Variants in FMN1 observed in about 807,000 individuals in gnomAD.
FMN1 encodes the protein formin 1, also known as formin-1.
In FMN1, 110 loss-of-function variants were observed where a neutral mutation model predicts 132.4. The ratio of observed to expected loss-of-function variants is 0.83; its 90% CI spans 0.71 to 0.97. FMN1 has a LOEUF of 0.97. FMN1 is among the 50% of genes least tolerant of loss of function. The pLI, the probability that FMN1 is intolerant of heterozygous loss-of-function variation, is 0.00. For missense variants in FMN1, 1,792 were observed against 1,705.3 expected, an observed-to-expected ratio of 1.05 and a Z score of -0.90; for synonymous variants, 722 against 651.7, an observed-to-expected ratio of 1.11 and a Z score of -1.64.
chr15:33,016,539 A>G (rs1256021989), intron 6 of FMN1, among the ~76,000 whole-genome samples: 1 of 152,178 alleles, frequency 6.6e-6, no homozygotes, highest in African/African-American at 2.4e-5. Flanking sequence ...GTGGAGGTAG[A>G]TTCAAAGGCA....
At chr15:32,997,894 A>G (rs568200085) in intron 7 of FMN1, among the ~76,000 whole-genome samples, 1 of 152,196 alleles carries the variant, frequency 6.6e-6, no homozygotes, top group Non-Finnish European at 1.5e-5. Context: ...AAAAGACACA[A>G]ATGTAAATGT....
At chr15:33,169,679 A>G (rs2140317125) in intron 3 of FMN1, among the ~76,000 whole-genome samples, 1 of 151,730 alleles carries the variant, frequency 6.6e-6, no homozygotes, top group African/African-American at 2.4e-5. Context: ...TAGGTCTGTA[A>G]TGAGAAGGCG....
rs112570145 is a variant in FMN1 at position 33,102,659 on chromosome 15, G to A, written c.1868-13685C>T. The stretch of plus-strand genomic sequence containing the variant: ...AGGAAAAGCCCATGGAGTTTGCCTC[G>A]TGGGTTATATATGACTCATGAGCAA... On this transcript the variant is annotated intron_variant, in intron 4 of 20. Transcript: ENST00000616417. 5.5e-3 allele frequency among the ~76,000 whole-genome samples: 843 copies of A among 152,130 alleles called. 6 individuals are homozygous for A. The highest frequency in any genetic ancestry group is 0.019 in the African/African-American group (790 of 41,502).
chr15:33,095,695 A>G (rs2039057969), intron 4 of FMN1, among the ~76,000 whole-genome samples: 1 of 152,196 alleles, frequency 6.6e-6, no homozygotes, highest in African/African-American at 2.4e-5. Flanking sequence ...TTGAAGAATA[A>G]GAATGCAAAA....
At chr15:32,790,400 C>A (rs909713474) in intron 19 of FMN1, among the ~76,000 whole-genome samples, 2 of 152,172 alleles carry the variant, frequency 1.3e-5, no homozygotes, top group Non-Finnish European at 2.9e-5. Flanking sequence ...CAAAGCCTAC[C>A]TGGTACATGT....
chr15:33,165,580 A>G (rs1965072980), intron 3 of FMN1, among the ~76,000 whole-genome samples: 1 of 152,014 alleles, frequency 6.6e-6, no homozygotes, highest in Non-Finnish European at 1.5e-5. Flanking sequence ...TTTAGTAGAG[A>G]CGGGGTTTCA....
chr15:33,065,751 C>G (rs748364198), intron 5 of FMN1, among the ~76,000 whole-genome samples: 11 of 152,108 alleles, frequency 7.2e-5, no homozygotes, highest in Non-Finnish European at 1.3e-4. Context: ...TGATATTAAG[C>G]AAGAAATTCT....
chr15:32,982,914 AT>A (rs932440628), intron 7 of FMN1, among the ~76,000 whole-genome samples: 14 of 152,146 alleles, frequency 9.2e-5, no homozygotes, highest in African/African-American at 3.1e-4. Context: ...TACCCTGCAG[AT>A]TTTGGAACTT....
Position 32,772,435 on chromosome 15 carries a change from A to T in FMN1, c.*1875T>A, listed in dbSNP as rs28403314. 6.6e-6 allele frequency: 1 copy of T among 151,936 alleles called. No individual in the cohort carries two copies. Among genetic ancestry groups the T allele is most frequent in the Non-Finnish European group, 1.5e-5 (1 of 67,974 alleles). The allele number at this position is 151,936 out of a possible 1,614,324, so 9.4% of individuals were successfully genotyped here. On this transcript the variant is annotated 3_prime_UTR_variant, in exon 21 of 21. Transcript: ENST00000616417. Reference sequence around the variant, plus strand: ...CATGATAACACTAGAAGGAGCATACAATGGTTATAAGTGGAATCAGTTTTT... The same window carrying T: ...CATGATAACACTAGAAGGAGCATACTATGGTTATAAGTGGAATCAGTTTTT...
Position 33,119,380 on chromosome 15 carries a change from A to G in FMN1, c.1868-30406T>C, listed in dbSNP as rs185626252. 1.2e-3 allele frequency among the ~76,000 whole-genome samples: 178 copies of G among 152,332 alleles called. 1 individual carries two copies. Among genetic ancestry groups the G allele is most frequent in the African/African-American group, 4.1e-3 (169 of 41,582 alleles). On this transcript the variant is annotated intron_variant, in intron 4 of 20. Transcript: ENST00000616417. ...AAAGGGTGGGGAGCCTGTGGTAAAC[A>G]TGATAGATTCTCAGGACAGCCTGGG...
At chr15:32,785,517 C>T (rs1447670380) in intron 19 of FMN1, among the ~76,000 whole-genome samples, 4 of 151,876 alleles carry the variant, frequency 2.6e-5, no homozygotes, top group East Asian at 3.9e-4. Context: ...TGAAAATTAG[C>T]GTTATCTTTT....
At chr15:32,830,828 C>G (rs1171035606) in intron 17 of FMN1, among the ~76,000 whole-genome samples, 1 of 152,108 alleles carries the variant, frequency 6.6e-6, no homozygotes, top group African/African-American at 2.4e-5. Flanking sequence ...GGGGTAGGAG[C>G]AGCGAGGGCC....
At chr15:33,193,817 T>G (rs1966166720) in intron 2 of FMN1, 92 bp downstream of exon 2, 1 of 152,026 alleles carries the variant, frequency 6.6e-6, no homozygotes, top group African/African-American at 2.4e-5. Flanking sequence ...GTTCTTGAGT[T>G]AAATGAGGGC....
rs147447019 is a variant in FMN1 at position 33,033,173 on chromosome 15, G to A, written c.2162-25098C>T. ...AGCCTCCCGAGTAGCTGGGACTACA[G>A]GTGCCCGCCACCACACGCGGCTAAT... On this transcript the variant is annotated intron_variant, in intron 6 of 20. Transcript: ENST00000616417. Among the ~76,000 whole-genome samples, 638 of 152,216 alleles carry A rather than the reference G, an allele frequency of 4.2e-3. 39 individuals carry two copies. In the East Asian group the frequency reaches 0.11, roughly 26 times the overall value.
In FMN1 at chr15:32,880,519, C is replaced by T. The variant is rs138507693; in HGVS notation, c.3835+7653G>A. Among the ~76,000 whole-genome samples the T allele has an allele frequency of 5.3e-3, 800 of 152,260 alleles. 3 individuals carry two copies. Among genetic ancestry groups the T allele is most frequent in the Admixed American group, 0.011 (165 of 15,290 alleles). The stretch of plus-strand genomic sequence containing the variant: ...GGGCTTTTTCTCTGTGCTGGAGGCT[C>T]CATTCACCTTCCTTCTCCACTGAAT... On this transcript the variant is annotated intron_variant, in intron 16 of 20. Transcript: ENST00000616417.
intron 17 of FMN1, chr15:32,811,175 A>G (rs1041246675): frequency 1.0e-4 from 44 of 431,702 alleles, no homozygotes; most frequent in Non-Finnish European, 1.9e-4. Context: ...CAGAGTTCTT[A>G]CCCTTACATT....
intron 4 of FMN1, among the ~76,000 whole-genome samples, chr15:33,142,624 A>G (rs142821806): frequency 2.0e-5 from 3 of 152,346 alleles, no homozygotes; most frequent in African/African-American, 7.2e-5. Flanking sequence ...GAATTTTTTC[A>G]GCATATTAAT....
At position 33,056,886 on chromosome 15, in the gene FMN1, A is replaced by G. The variant is rs368491663; in HGVS notation, c.2161+8071T>C. On this transcript the variant is annotated intron_variant, in intron 6 of 20. Transcript: ENST00000616417. ...TAATTTATATTAAGTTCAAAAGCAGATGAAACTAGGCCGGGCACAGTGGCT... is the reference window on the plus strand; with the variant it reads ...TAATTTATATTAAGTTCAAAAGCAGGTGAAACTAGGCCGGGCACAGTGGCT... Among the ~76,000 whole-genome samples, 46 of 152,316 alleles carry G rather than the reference A, an allele frequency of 3.0e-4. No homozygotes were observed. The East Asian group carries it at 8.9e-3, about 29-fold the overall frequency.
intron 19 of FMN1, among the ~76,000 whole-genome samples, chr15:32,787,096 G>C (rs563730434): frequency 6.6e-6 from 1 of 152,228 alleles, no homozygotes; most frequent in African/African-American, 2.4e-5. Flanking sequence ...TATCGCACGA[G>C]GTTAACTGCT....
Sources: allele counts gnomAD v4.1 joint callset (sites outside exome capture counted in the v4.1 genomes callset), GRCh38; gene constraint gnomAD v4.1.1; transcripts MANE v1.5; gene names NCBI Gene and HGNC (gene_info 2026-07-23, HGNC 2026-07-21).